FYTTD1: variants seen among roughly 807,000 people sequenced by gnomAD.
The protein encoded by FYTTD1 is UAP56-interacting factor.
A neutral mutation model predicts 40.9 loss-of-function variants in FYTTD1; 22 were observed. That is an observed-to-expected ratio of 0.54 (90% CI 0.38 to 0.77). FYTTD1 has a LOEUF of 0.77. Among genes scored for constraint, FYTTD1 ranks in the 30% least tolerant of loss-of-function variants. FYTTD1 has a pLI of 0.00. For synonymous variants in FYTTD1, 140 were observed against 137.9 expected, an observed-to-expected ratio of 1.01 and a Z score of -0.10; for missense variants, 351 against 392.2, an observed-to-expected ratio of 0.90 and a Z score of 0.89.
Position 197,776,989 on chromosome 3 carries a change from T to C in FYTTD1, c.719T>C (p.Val240Ala), listed in dbSNP as rs1292936914. 1 of 1,605,320 alleles carries C rather than the reference T, an allele frequency of 6.2e-7. No homozygotes were observed. Among genetic ancestry groups the C allele is most frequent in the Non-Finnish European group, 8.5e-7 (1 of 1,173,074 alleles). Reference sequence around the variant, plus strand: ...GTATCTATTGACAATCCTGGAGCAGTGCAATGCCCAGTGTAAGTTGTTTCT... The same window carrying C: ...GTATCTATTGACAATCCTGGAGCAGCGCAATGCCCAGTGTAAGTTGTTTCT... Reference protein sequence around the residue: ...LTVSIDNPGAVQCPVTQKPRL... With the variant: ...LTVSIDNPGAAQCPVTQKPRL... Residue 240 changes from valine (V) to alanine (A), a missense_variant, in exon 7 of 9, where the codon GTG (valine) becomes GCG (alanine). Physicochemically the swap from Val to Ala is moderately conservative, Grantham distance 64. Coordinates refer to ENST00000241502, the MANE Select transcript of FYTTD1 (RefSeq NM_032288.7).
intron 2 of FYTTD1, among the ~76,000 whole-genome samples, chr3:197,764,194 A>T (rs73892103): frequency 0.064 from 9,722 of 152,232 alleles, 659 homozygotes; most frequent in African/African-American, 0.17. Context: ...CATTGGATGA[A>T]GTCTTTAGTA....
chr3:197,778,298 A>G (rs753615971), intron 7 of FYTTD1, 40 bp from the exon 8 acceptor site: 1 of 1,505,430 alleles, frequency 6.6e-7, no homozygotes, highest in African/African-American at 1.4e-5. Context: ...TTTTCTTTTC[A>G]TTGTTAAGCT....
intron 2 of FYTTD1, among the ~76,000 whole-genome samples, chr3:197,767,124 A>T (rs142038648): frequency 2.5e-3 from 371 of 150,886 alleles, no homozygotes; most frequent in Non-Finnish European, 4.1e-3. Flanking sequence ...GTTCAGAGAC[A>T]CTCCCAATTT....
chr3:197,776,806 A>G, intron 6 of FYTTD1, 121 bp from the exon 7 acceptor site: 2 of 635,174 alleles, frequency 3.1e-6, no homozygotes, highest in Non-Finnish European at 5.4e-6. Flanking sequence ...GGGTTCAGGT[A>G]CTTATTTCTT....
intron 1 of FYTTD1, chr3:197,750,422 A>G (rs1580438202): frequency 5.8e-6 from 6 of 1,029,586 alleles, no homozygotes; most frequent in Middle Eastern, 4.6e-4. Flanking sequence ...TTTGTGAGGA[A>G]AGATCTGCCG....
chr3:197,773,547 C>T (rs1017671975), intron 5 of FYTTD1, 48 bp downstream of exon 5: 10 of 716,342 alleles, frequency 1.4e-5, no homozygotes, highest in Non-Finnish European at 2.3e-5. Flanking sequence ...TTGTTTTTTC[C>T]CAAAGAGGAT....
Position 197,776,916 on chromosome 3 carries a change from T to C in FYTTD1, c.657-11T>C. ...CATTTAATGAATTTTTTTTATTTTT[T>C]TTGAAACTAGATGGCGGACTTCCAC... On this transcript the variant is annotated splice_polypyrimidine_tract_variant and intron_variant, in intron 6 of 8. Transcript: ENST00000241502. The C allele has an allele frequency of 6.3e-7, 1 of 1,584,526 alleles. No individual in the cohort carries two copies.
Position 197,785,602 on chromosome 3 carries a change from G to C in FYTTD1, c.*3693G>C, listed in dbSNP as rs552641968. On this transcript the variant is annotated 3_prime_UTR_variant, in exon 9 of 9. Coordinates refer to ENST00000241502, the MANE Select transcript of FYTTD1 (RefSeq NM_032288.7). The stretch of plus-strand genomic sequence containing the variant: ...AGCAGGCCTCATTGCTCAGCAGTGA[G>C]TTTTTATTAGACTAGGTATGTATAT... 6.9e-4 allele frequency: 104 copies of C among 151,642 alleles called. No homozygotes were observed. The highest frequency in any genetic ancestry group is 2.4e-3 in the African/African-American group (100 of 41,294). 9.4% of individuals were successfully genotyped at this position (151,642 alleles called of 1,614,324 possible). A position where few individuals can be genotyped will look rare whatever the true frequency, so the allele number is the denominator to read the frequency against.
chr3:197,752,718 A>G (rs1288668898), intron 1 of FYTTD1, among the ~76,000 whole-genome samples: 1 of 151,788 alleles, frequency 6.6e-6, no homozygotes, highest in African/African-American at 2.4e-5. Context: ...GTATGTCTAT[A>G]TATGGCTTGG....
chr3:197,776,259 G>A (rs898150345), intron 6 of FYTTD1, among the ~76,000 whole-genome samples: 3 of 149,602 alleles, frequency 2.0e-5, no homozygotes, highest in Admixed American at 6.7e-5. Flanking sequence ...AGGCTGGAGC[G>A]CAGTGGCACA....
In FYTTD1 at chr3:197,778,274, C is replaced by G. The variant is rs556764892; in HGVS notation, c.732-64C>G. The G allele has an allele frequency of 7.7e-5, 100 of 1,304,520 alleles. No individual in the cohort carries two copies. In the African/African-American group the frequency reaches 1.1e-3, roughly 14 times the overall value. The allele number at this position is 1,304,520 out of a possible 1,614,324, so 80.8% of individuals were successfully genotyped here. A position where few individuals can be genotyped will look rare whatever the true frequency, so the allele number is the denominator to read the frequency against. On this transcript the variant is annotated intron_variant, in intron 7 of 8. Coordinates refer to ENST00000241502, the MANE Select transcript of FYTTD1 (RefSeq NM_032288.7). ...ACATGTGTACAAGATGTCTTAAGTACCAAGTGAATTTATTTTTCTTTTCAT... is the reference window on the plus strand; with the variant it reads ...ACATGTGTACAAGATGTCTTAAGTAGCAAGTGAATTTATTTTTCTTTTCAT...
intron 8 of FYTTD1, 70 bp from the exon 9 acceptor site, chr3:197,781,741 G>A (rs1730033073): frequency 2.8e-6 from 3 of 1,069,204 alleles, no homozygotes; most frequent in Admixed American, 4.5e-5. Context: ...TTGTTCCAAA[G>A]CAAATATGGC....
intron 2 of FYTTD1, among the ~76,000 whole-genome samples, chr3:197,760,462 C>T (rs981859061): frequency 4.2e-5 from 6 of 143,492 alleles, no homozygotes; most frequent in Non-Finnish European, 8.9e-5. Context: ...CAGGGGTCTT[C>T]ACGGGTAGAA....
At chr3:197,778,243 A>T in intron 7 of FYTTD1, 95 bp from the exon 8 acceptor site, 1 of 945,608 alleles carries the variant, frequency 1.1e-6, no homozygotes, top group South Asian at 2.4e-5. Context: ...GCCCTAATAC[A>T]TTTGAACATG....
chr3:197,756,635 C>A, intron 2 of FYTTD1, 78 bp downstream of exon 2: 1 of 1,282,932 alleles, frequency 7.8e-7, no homozygotes, highest in Non-Finnish European at 1.1e-6. Flanking sequence ...ATATGCTTAA[C>A]GTGGAGGAAT....
At chr3:197,781,046 G>A (rs578174301) in intron 8 of FYTTD1, among the ~76,000 whole-genome samples, 1 of 150,806 alleles carries the variant, frequency 6.6e-6, no homozygotes, top group South Asian at 2.1e-4. Flanking sequence ...TGGTGCGGTG[G>A]CTCACGCCTG....
chr3:197,764,724 A>T (rs1266985860), intron 2 of FYTTD1, among the ~76,000 whole-genome samples: 1 of 142,048 alleles, frequency 7.0e-6, no homozygotes, highest in Non-Finnish European at 1.5e-5. Context: ...AAAAAAAAAA[A>T]GCAGAGGAGG....
At chr3:197,771,137 A>G (rs554860251) in intron 4 of FYTTD1, among the ~76,000 whole-genome samples, 5 of 152,042 alleles carry the variant, frequency 3.3e-5, no homozygotes, top group Non-Finnish European at 5.9e-5. Flanking sequence ...GGAGGATCAC[A>G]TGAGCCCAGG....
At chr3:197,770,347 C>T in intron 4 of FYTTD1, 103 bp downstream of exon 4, 2 of 707,780 alleles carry the variant, frequency 2.8e-6, no homozygotes, top group Middle Eastern at 2.5e-4. Flanking sequence ...GTTATCTGGT[C>T]ATTTTCAAGA....
Sources: allele counts gnomAD v4.1 joint callset (sites outside exome capture counted in the v4.1 genomes callset), GRCh38; gene constraint gnomAD v4.1.1; transcripts MANE v1.5; gene names NCBI Gene and HGNC (gene_info 2026-07-23, HGNC 2026-07-21).